TMEM87B: variants seen among roughly 807,000 people sequenced by gnomAD.
The protein encoded by TMEM87B is transmembrane protein 87B.
A neutral mutation model predicts 80.3 loss-of-function variants in TMEM87B; 83 were observed. The ratio of observed to expected loss-of-function variants is 1.03; its 90% confidence interval spans 0.87 to 1.24. TMEM87B has a LOEUF of 1.24. Among genes scored for constraint, TMEM87B ranks in the 50% most tolerant of loss-of-function variants. The pLI, the probability that TMEM87B is intolerant of heterozygous loss-of-function variation, is 0.00. For synonymous variants in TMEM87B, 219 were observed against 230.5 expected (o/e 0.95, Z 0.45); for missense variants, 625 against 674.4 (o/e 0.93, Z 0.81).
intron 4 of TMEM87B, among the ~76,000 whole-genome samples, chr2:112,071,135 A>G (rs2104464226): frequency 6.6e-6 from 1 of 151,478 alleles, no homozygotes; most frequent in African/African-American, 2.4e-5. Context: ...AGCATGGAAC[A>G]TCTTTCCATT....
At chr2:112,110,298 G>T (rs1679877660) in intron 17 of TMEM87B, among the ~76,000 whole-genome samples, 1 of 151,930 alleles carries the variant, frequency 6.6e-6, no homozygotes. Context: ...CACTGCACTG[G>T]AATCATTTTT....
At chr2:112,081,904 A>G (rs895505060) in intron 8 of TMEM87B, among the ~76,000 whole-genome samples, 2 of 152,114 alleles carry the variant, frequency 1.3e-5, no homozygotes, top group Non-Finnish European at 2.9e-5. Context: ...TCAAAAAACG[A>G]AAGGAAATTG....
intron 10 of TMEM87B, among the ~76,000 whole-genome samples, chr2:112,090,313 G>C (rs1221191049): frequency 1.3e-5 from 2 of 152,140 alleles, no homozygotes; most frequent in African/African-American, 2.4e-5. Context: ...AAGACCCCTA[G>C]ATTTCTAGCT....
intron 2 of TMEM87B, among the ~76,000 whole-genome samples, chr2:112,063,138 C>G (rs1217122958): frequency 1.3e-5 from 2 of 152,214 alleles, no homozygotes; most frequent in Non-Finnish European, 2.9e-5. Flanking sequence ...TATTCATGAT[C>G]TTGTGTGGTC....
At chr2:112,065,957 A>G (rs980094598) in intron 3 of TMEM87B, among the ~76,000 whole-genome samples, 2 of 152,206 alleles carry the variant, frequency 1.3e-5, no homozygotes, top group African/African-American at 4.8e-5. Flanking sequence ...AATACCACAG[A>G]ATACTGATTT....
chr2:112,073,503 G>A (rs1453101511), intron 4 of TMEM87B, among the ~76,000 whole-genome samples: 4 of 152,152 alleles, frequency 2.6e-5, no homozygotes, highest in Non-Finnish European at 5.9e-5. Context: ...CGTTTTCTGA[G>A]CATTGTTTTA....
At chr2:112,084,107 C>G (rs543098385) in intron 8 of TMEM87B, among the ~76,000 whole-genome samples, 8 of 152,274 alleles carry the variant, frequency 5.3e-5, no homozygotes, top group Non-Finnish European at 1.0e-4. Context: ...CACAAGCTCC[C>G]ACAACCTCAG....
In TMEM87B at chr2:112,055,587, T is replaced by A; in HGVS notation, c.-5T>A. The A allele has an allele frequency of 6.6e-7, 1 of 1,514,412 alleles. No individual in the cohort carries two copies. Among genetic ancestry groups the A allele is most frequent in the South Asian group, 1.2e-5 (1 of 80,654 alleles). 93.8% of individuals were successfully genotyped at this position (1,514,412 alleles called of 1,614,324 possible). On this transcript the variant is annotated 5_prime_UTR_variant, in exon 1 of 19. Transcript: ENST00000283206. ...CGGAGCGCCAGGTGCAGCTTCCTGG[T>A]CAAGATGGTCGCCGCCTGCCGCTCG...
intron 5 of TMEM87B, among the ~76,000 whole-genome samples, chr2:112,075,602 A>G (rs1678790090): frequency 1.3e-5 from 2 of 152,210 alleles, no homozygotes; most frequent in Non-Finnish European, 2.9e-5. Flanking sequence ...AATAGAAACC[A>G]TGAATGTAGC....
At chr2:112,102,346 G>T (rs1161460417) in intron 15 of TMEM87B, among the ~76,000 whole-genome samples, 1 of 152,144 alleles carries the variant, frequency 6.6e-6, no homozygotes, top group African/African-American at 2.4e-5. Flanking sequence ...TCCCAGGGTT[G>T]CAAGGCTGTT....
chr2:112,070,463 T>G (rs1040272921), intron 4 of TMEM87B, among the ~76,000 whole-genome samples: 1 of 152,202 alleles, frequency 6.6e-6, no homozygotes, highest in Non-Finnish European at 1.5e-5. Flanking sequence ...TTTGTCAACT[T>G]TATTAAAGAC....
intron 2 of TMEM87B, 95 bp from the exon 3 acceptor site, chr2:112,064,067 A>G (rs1012859088): frequency 1.0e-6 from 1 of 997,842 alleles, no homozygotes; most frequent in Non-Finnish European, 1.5e-6. Flanking sequence ...TGTTACATTA[A>G]AGTAGCCTAT....
At position 112,093,354 on chromosome 2, in the gene TMEM87B, T is replaced by G. The variant is rs191778400; in HGVS notation, c.1104+1571T>G. On this transcript the variant is annotated intron_variant, in intron 11 of 18. Transcript: ENST00000283206. The stretch of plus-strand genomic sequence containing the variant: ...GTCAAAGCAGTGATTCTTAACCTTG[T>G]TTGGGTACTAGGATCAGACATGCCT... 8.3e-4 allele frequency among the ~76,000 whole-genome samples: 126 copies of G among 152,318 alleles called. 1 individual carries two copies. Among genetic ancestry groups the G allele is most frequent in the African/African-American group, 2.8e-3 (118 of 41,574 alleles).
rs1016005937 is a variant in TMEM87B at position 112,065,338 on chromosome 2, A to G, written c.318+1085A>G. On this transcript the variant is annotated intron_variant, in intron 3 of 18. Transcript: ENST00000283206. ...AATTTAACACTGATAAAATGCTATT[A>G]TATATAAACCTTATTAAAATTTTGC... Among the ~76,000 whole-genome samples the G allele has an allele frequency of 1.5e-4, 23 of 152,152 alleles. 1 individual carries two copies. Among genetic ancestry groups the G allele is most frequent in the Admixed American group, 1.3e-3 (20 of 15,268 alleles).
chr2:112,070,021 TG>T (rs1484422261), intron 4 of TMEM87B, among the ~76,000 whole-genome samples: 1 of 152,192 alleles, frequency 6.6e-6, no homozygotes, highest in African/African-American at 2.4e-5. Flanking sequence ...AATTTTTTTT[TG>T]TTTTTTTTCT....
At chr2:112,099,555 T>TACAC (rs70962984) in intron 14 of TMEM87B, among the ~76,000 whole-genome samples, 3 of 73,568 alleles carry the variant, frequency 4.1e-5, no homozygotes, top group African/African-American at 1.5e-4. Flanking sequence ...TATATATATA[T>TACAC]ACACACACAC....
chr2:112,102,195 G>C (rs771693100), intron 15 of TMEM87B, among the ~76,000 whole-genome samples: 1 of 152,056 alleles, frequency 6.6e-6, no homozygotes, highest in Non-Finnish European at 1.5e-5. Flanking sequence ...GACGTTACAA[G>C]AAAAAATTAT....
chr2:112,099,856 T>G (rs1305558213), intron 14 of TMEM87B, among the ~76,000 whole-genome samples: 1 of 146,642 alleles, frequency 6.8e-6, no homozygotes, highest in Non-Finnish European at 1.5e-5. Context: ...GCACTCCAGC[T>G]TGGGCAACAG....
Position 112,055,287 on chromosome 2 carries a change from G to T in TMEM87B, c.-305G>T. The T allele has an allele frequency of 2.4e-6, 1 of 419,698 alleles. No homozygotes were observed. The highest frequency in any genetic ancestry group is 4.2e-6 in the Non-Finnish European group (1 of 235,726). 26.0% of individuals were successfully genotyped at this position (419,698 alleles called of 1,614,324 possible). ...CTCTTCTATCTTCACGCCCACGCTAGGCCCTGAGCCCAGCCTCCACGTCTC... is the reference window on the plus strand; with the variant it reads ...CTCTTCTATCTTCACGCCCACGCTATGCCCTGAGCCCAGCCTCCACGTCTC... On this transcript the variant is annotated 5_prime_UTR_variant, in exon 1 of 19. It adds an upstream start codon to the 5' untranslated region. Coordinates refer to ENST00000283206, the MANE Select transcript of TMEM87B (RefSeq NM_032824.3).
Sources: allele counts gnomAD v4.1 joint callset (sites outside exome capture counted in the v4.1 genomes callset), GRCh38; gene constraint gnomAD v4.1.1; transcripts MANE v1.5; gene names NCBI Gene and HGNC (gene_info 2026-07-23, HGNC 2026-07-21).